NFIB: variants seen among roughly 807,000 people sequenced by gnomAD.
The protein encoded by NFIB is nuclear factor I B, also known as nuclear factor 1 B-type.
Under a neutral mutation model 61.5 loss-of-function variants are expected in NFIB, and 11 were observed. The observed-to-expected ratio is 0.18, with a 90% confidence interval of 0.11 to 0.30. NFIB has a LOEUF of 0.30. NFIB is among the 10% of genes least tolerant of loss of function. The probability of loss-of-function intolerance (pLI) is 1.00; values close to 1 mark genes in which losing one functional copy is unlikely to be tolerated. For missense variants in NFIB, 471 were observed against 608.9 expected (o/e 0.77, Z 2.38); for synonymous variants, 260 against 216.5 (o/e 1.20, Z -1.76).
At position 14,219,381 on chromosome 9, in the gene NFIB, TAAAA is replaced by T. The variant is rs751279935; in HGVS notation, c.563-39605_563-39602del. 5.3e-4 allele frequency among the ~76,000 whole-genome samples: 39 copies of T among 73,500 alleles called. 1 individual carries two copies. Among genetic ancestry groups the T allele is most frequent in the South Asian group, 2.0e-3 (3 of 1,536 alleles). The allele number at this position is 73,500 out of a possible 152,430, so 48.2% of individuals were successfully genotyped here. On this transcript the variant is annotated intron_variant, in intron 2 of 10. Coordinates refer to ENST00000380953, the MANE Select transcript of NFIB (RefSeq NM_001190737.2). ...ATAGAGTCATCTTGTAGCACTAGGGTAAAAAAAAAAAAAAAAAAAAAAAGTCTAA... is the reference window on the plus strand; with the variant it reads ...ATAGAGTCATCTTGTAGCACTAGGGTAAAAAAAAAAAAAAAAAAAGTCTAA...
chr9:14,309,279 T>A (rs993308301), intron 1 of NFIB, among the ~76,000 whole-genome samples: 1 of 152,162 alleles, frequency 6.6e-6, no homozygotes. Context: ...AAGAAGAAAT[T>A]CGAAGTTTTA....
At chr9:14,518,118 T>A in the NFIB span, among the ~76,000 whole-genome samples, 1 of 152,216 alleles carries the variant, frequency 6.6e-6, no homozygotes, top group Admixed American at 6.5e-5. Flanking sequence ...AAATGCAGTG[T>A]TGATAAGAAA....
exon 1 of NFIB, chr9:14,398,548 C>T (rs1462511445): frequency 6.5e-7 from 1 of 1,535,130 alleles, no homozygotes. Context: ...ACAGAGTTGA[C>T]ATTCTTTTAG....
chr9:14,431,440 G>A, the NFIB span, among the ~76,000 whole-genome samples: 1 of 152,164 alleles, frequency 6.6e-6, no homozygotes, highest in African/African-American at 2.4e-5. Flanking sequence ...ATCAATGGAG[G>A]CTGGATGGTG....
In NFIB at chr9:14,287,541, G is replaced by A. The variant is rs1435196421; in HGVS notation, c.562+19448C>T. On this transcript the variant is annotated intron_variant, in intron 2 of 10. Transcript: ENST00000380953. ...CGGGTTCAAACGATCTTCTGCCTCA[G>A]CTTCCCGAGTAGCTGGGATTACAGG... Among the ~76,000 whole-genome samples the A allele has an allele frequency of 2.0e-5, 3 of 151,894 alleles. No homozygotes were observed. The South Asian group carries it at 6.2e-4, about 32-fold the overall frequency.
chr9:14,157,432 A>T (rs1417404379), intron 3 of NFIB, among the ~76,000 whole-genome samples: 1 of 152,182 alleles, frequency 6.6e-6, no homozygotes, highest in African/African-American at 2.4e-5. Context: ...ACAGAATGAA[A>T]GAAGGAGTGA....
chr9:14,346,296 C>CA (rs1054874470), intron 1 of NFIB, among the ~76,000 whole-genome samples: 6 of 142,630 alleles, frequency 4.2e-5, no homozygotes, highest in Non-Finnish European at 6.4e-5. Context: ...CGACACCCCC[C>CA]CCCCGTAACC....
chr9:14,107,118 G>A (rs1009053479), intron 10 of NFIB, among the ~76,000 whole-genome samples: 5 of 151,980 alleles, frequency 3.3e-5, no homozygotes, highest in African/African-American at 9.7e-5. Context: ...GTGGAAAACA[G>A]ATGCTTAAAA....
At chr9:14,315,957 G>C (rs1172156156), upstream of NFIB, among the ~76,000 whole-genome samples, 2 of 151,932 alleles carry the variant, frequency 1.3e-5, no homozygotes, top group Admixed American at 6.5e-5. Context: ...GGTACTGCTG[G>C]GGCGTTTCGA....
At chr9:14,259,815 G>A (rs539362449) in intron 2 of NFIB, among the ~76,000 whole-genome samples, 2 of 152,292 alleles carry the variant, frequency 1.3e-5, no homozygotes, top group Non-Finnish European at 2.9e-5. Flanking sequence ...TGAGGCACGA[G>A]AATCGCTTGA....
At chr9:14,242,658 A>G (rs1285332077) in intron 2 of NFIB, among the ~76,000 whole-genome samples, 6 of 152,244 alleles carry the variant, frequency 3.9e-5, no homozygotes, top group African/African-American at 1.4e-4. Flanking sequence ...AGTATTATTT[A>G]TACTTCTGTA....
chr9:14,346,021 G>A (rs1367806864), intron 1 of NFIB, among the ~76,000 whole-genome samples: 5 of 152,172 alleles, frequency 3.3e-5, no homozygotes, highest in Non-Finnish European at 7.3e-5. Context: ...CCAGCCTAGC[G>A]GGTGGGAGGC....
At chr9:14,157,481 G>A (rs1005317793) in intron 3 of NFIB, among the ~76,000 whole-genome samples, 1 of 152,102 alleles carries the variant, frequency 6.6e-6, no homozygotes. Flanking sequence ...TAAAACAGGT[G>A]CCACATTAAG....
chr9:14,502,397 T>C, the NFIB span, among the ~76,000 whole-genome samples: 2 of 152,338 alleles, frequency 1.3e-5, no homozygotes, highest in South Asian at 4.1e-4. Flanking sequence ...GAATATCTAC[T>C]GATGCCTGAA....
intron 6 of NFIB, among the ~76,000 whole-genome samples, chr9:14,127,638 T>G (rs1444530340): frequency 6.6e-6 from 1 of 152,198 alleles, no homozygotes; most frequent in Non-Finnish European, 1.5e-5. Context: ...TTGAGTTTTC[T>G]TGAAATTAGA....
chr9:14,474,666 C>T, the NFIB span, among the ~76,000 whole-genome samples: 20 of 152,118 alleles, frequency 1.3e-4, no homozygotes, highest in Non-Finnish European at 2.1e-4. Flanking sequence ...GCTATAAACC[C>T]GTTAAACAAA....
intron 1 of NFIB, among the ~76,000 whole-genome samples, chr9:14,338,346 A>G (rs999489276): frequency 1.3e-5 from 2 of 152,126 alleles, no homozygotes; most frequent in African/African-American, 4.8e-5. Context: ...GTGAGCAGAG[A>G]TCGCGCCACT....
chr9:14,519,622 C>T, the NFIB span, among the ~76,000 whole-genome samples: 7 of 152,204 alleles, frequency 4.6e-5, no homozygotes, highest in African/African-American at 9.6e-5. Context: ...TACTGCGGTG[C>T]GTTGTGCTTA....
At chr9:14,463,690 A>T in the NFIB span, among the ~76,000 whole-genome samples, 1 of 27,660 alleles carries the variant, frequency 3.6e-5, no homozygotes, top group African/African-American at 1.7e-4. Flanking sequence ...TTTGAGACGG[A>T]GTCTCTGTCA....
Sources: allele counts gnomAD v4.1 joint callset (sites outside exome capture counted in the v4.1 genomes callset), GRCh38; gene constraint gnomAD v4.1.1; transcripts MANE v1.5; gene names NCBI Gene and HGNC (gene_info 2026-07-23, HGNC 2026-07-21).